MKKS: variants seen among roughly 807,000 people sequenced by gnomAD.
MKKS encodes the protein molecular chaperone MKKS.
MKKS carries 29 observed loss-of-function variants against 33.2 expected under a neutral mutation model. The ratio of observed to expected loss-of-function variants is 0.87; its 90% CI spans 0.65 to 1.19. The LOEUF (loss-of-function observed/expected upper bound fraction) is 1.19. Ranked by LOEUF, MKKS falls within the 50% of genes most tolerant of loss-of-function variation. The pLI is 0.00. For synonymous variants in MKKS, 260 were observed against 244.0 expected (o/e 1.07, Z -0.61); for missense variants, 661 against 662.3 (o/e 1.00, Z 0.02).
At chr20:10,409,695 G>A (rs894624026) in intron 3 of MKKS, among the ~76,000 whole-genome samples, 16 of 152,118 alleles carry the variant, frequency 1.1e-4, no homozygotes, top group East Asian at 1.9e-4. Flanking sequence ...AATGTCGGCC[G>A]GGTGTAGTGG....
At chr20:10,430,510 C>G (rs952111670) in intron 1 of MKKS, among the ~76,000 whole-genome samples, 1 of 152,154 alleles carries the variant, frequency 6.6e-6, no homozygotes, top group African/African-American at 2.4e-5. Context: ...TGTAGTATAG[C>G]AAGAACTGGA....
rs149166039 is a variant in MKKS at position 10,429,258 on chromosome 20, G to C, written c.-649+4850C>G. On this transcript the variant is annotated intron_variant, in intron 1 of 5. Transcript: ENST00000347364. Reference sequence around the variant, plus strand: ...CATAATCTCCCTGTAGCCTTTTGATGTGTTCTTGAGACTCCTAAGTACTCA... The same window carrying C: ...CATAATCTCCCTGTAGCCTTTTGATCTGTTCTTGAGACTCCTAAGTACTCA... Among the ~76,000 whole-genome samples, 1,512 of 152,238 alleles carry C rather than the reference G, an allele frequency of 9.9e-3. 16 individuals are homozygous for C. Among genetic ancestry groups the C allele is most frequent in the Non-Finnish European group, 0.014 (922 of 68,008 alleles).
intron 1 of MKKS, among the ~76,000 whole-genome samples, chr20:10,428,324 C>T (rs531749174): frequency 5.3e-5 from 8 of 152,282 alleles, no homozygotes; most frequent in African/African-American, 1.9e-4. Flanking sequence ...AGATCAGATA[C>T]CTAGATGAAT....
Position 10,429,099 on chromosome 20 carries a change from C to T in MKKS, c.-649+5009G>A, listed in dbSNP as rs190337983. Among the ~76,000 whole-genome samples the T allele has an allele frequency of 3.3e-5, 5 of 152,284 alleles. No homozygotes were observed. In the East Asian group the frequency reaches 9.7e-4, roughly 29 times the overall value. Reference sequence around the variant, plus strand: ...TACCATCTTCCTTCCCAGTACTACACAATCTCTTTCCTTTCAAATAATGCA... The same window carrying T: ...TACCATCTTCCTTCCCAGTACTACATAATCTCTTTCCTTTCAAATAATGCA... On this transcript the variant is annotated intron_variant, in intron 1 of 5. Transcript: ENST00000347364.
In MKKS at chr20:10,402,679, T is replaced by C. The variant is rs2064816895; in HGVS notation, c.*2568A>G. The C allele has an allele frequency of 6.6e-6, 1 of 152,066 alleles. No homozygotes were observed. Among genetic ancestry groups the C allele is most frequent in the Non-Finnish European group, 1.5e-5 (1 of 68,012 alleles). 9.4% of individuals were successfully genotyped at this position (152,066 alleles called of 1,614,324 possible). On this transcript the variant is annotated 3_prime_UTR_variant, in exon 6 of 6. Coordinates refer to ENST00000347364, the MANE Select transcript of MKKS (RefSeq NM_170784.3). ...CCCTTCTTGGAGGAACTTGAAAAAA[T>C]GCAGGATAAGGGCAAAGAGAACCAG... is the stretch of plus-strand genomic sequence containing the variant.
intron 4 of MKKS, among the ~76,000 whole-genome samples, 181 bp downstream of exon 4, chr20:10,408,447 T>C (rs529066388): frequency 2.0e-5 from 3 of 152,248 alleles, no homozygotes; most frequent in Non-Finnish European, 4.4e-5. Context: ...TGGCAACACA[T>C]GCCAAATTTA....
chr20:10,417,354 T>C (rs2064946556), intron 2 of MKKS, among the ~76,000 whole-genome samples: 1 of 152,188 alleles, frequency 6.6e-6, no homozygotes, highest in Non-Finnish European at 1.5e-5. Context: ...CTCTTGCCTG[T>C]AATCCCATCA....
intron 4 of MKKS, 88 bp from the exon 5 acceptor site, chr20:10,407,814 C>G: frequency 2.0e-6 from 2 of 981,498 alleles, no homozygotes; most frequent in Middle Eastern, 2.0e-4. Flanking sequence ...ATAGTGAATA[C>G]AGAGAGTGTG....
In MKKS at chr20:10,405,708, T is replaced by C; in HGVS notation, c.1273-21A>G. The C allele has an allele frequency of 7.7e-6, 12 of 1,563,068 alleles. No homozygotes were observed. Among genetic ancestry groups the C allele is most frequent in the Non-Finnish European group, 1.1e-5 (12 of 1,133,852 alleles). On this transcript the variant is annotated intron_variant, in intron 5 of 5. Coordinates refer to ENST00000347364, the MANE Select transcript of MKKS (RefSeq NM_170784.3). ...TGAGTCTAAAGAGTAATAAAAACAT[T>C]GAAAACACATACAAAGCAATTAATA...
In MKKS at chr20:10,413,251, G is replaced by A; in HGVS notation, c.264C>T (p.Phe88=). ...TAGCTGTGAATAAGCCACAATCACT[G>A]AAGCTTGACACATGATTCTGTATGG... The part of the protein sequence containing the change: ...TASIQNHVSS[F]SDCGLFTAIL... Residue 88 remains phenylalanine, a synonymous_variant, in exon 3 of 6, where the codon TTC becomes TTT. Transcript: ENST00000347364. 1 of 1,614,206 alleles carries A rather than the reference G, an allele frequency of 6.2e-7. No homozygotes were observed. Among genetic ancestry groups the A allele is most frequent in the Admixed American group, 1.7e-5 (1 of 60,024 alleles).
Position 10,408,714 on chromosome 20 carries a change from G to C in MKKS, c.1075C>G (p.His359Asp). 1.2e-6 allele frequency: 2 copies of C among 1,613,964 alleles called. No individual in the cohort carries two copies. Among genetic ancestry groups the C allele is most frequent in the Non-Finnish European group, 1.7e-6 (2 of 1,179,936 alleles). ...TCATTAGGAATAAGATGAAAAAAAT[G>C]TTTGGAGCCAAATTTTGCAGTGCAC... is the stretch of plus-strand genomic sequence containing the variant. ...DVCTAKFGSK[H>D]FFHLIPNEAT... Residue 359 changes from histidine (H) to aspartate (D), a missense_variant, in exon 4 of 6, where the codon CAT becomes GAT. By Grantham distance (81) the His-to-Asp change is moderately conservative (BLOSUM62 -1). Transcript: ENST00000347364.
chr20:10,410,970 A>G (rs1301073665), intron 3 of MKKS, among the ~76,000 whole-genome samples: 1 of 150,614 alleles, frequency 6.6e-6, no homozygotes, highest in Non-Finnish European at 1.5e-5. Flanking sequence ...CAGTTACAAT[A>G]TGGTTTCTAC....
intron 3 of MKKS, among the ~76,000 whole-genome samples, chr20:10,412,302 A>G (rs1445309733): frequency 6.6e-6 from 1 of 152,212 alleles, no homozygotes. Context: ...GTTAGATGAT[A>G]TAGTACATTA....
chr20:10,418,910 A>G (rs1344972176), intron 2 of MKKS, among the ~76,000 whole-genome samples: 1 of 152,104 alleles, frequency 6.6e-6, no homozygotes, highest in East Asian at 1.9e-4. Context: ...CTCTTCCTAT[A>G]AATACAAATT....
intron 2 of MKKS, among the ~76,000 whole-genome samples, chr20:10,415,569 A>G (rs1380043028): frequency 6.6e-6 from 1 of 152,204 alleles, no homozygotes; most frequent in African/African-American, 2.4e-5. Context: ...TATTGATGCC[A>G]GGAACAGCCA....
At chr20:10,424,132 A>G (rs528431145) in intron 1 of MKKS, among the ~76,000 whole-genome samples, 22 of 152,358 alleles carry the variant, frequency 1.4e-4, no homozygotes, top group African/African-American at 4.3e-4. Flanking sequence ...CATAAAAACA[A>G]TAAGTATCAC....
At position 10,402,495 on chromosome 20, in the gene MKKS, G is replaced by A. The variant is rs527532327; in HGVS notation, c.*2752C>T. ...GAGGTATTTGTAAATATATTTTAAC[G>A]AATTTGTGATATATTCAAAATAAGA... is the stretch of plus-strand genomic sequence containing the variant. On this transcript the variant is annotated 3_prime_UTR_variant, in exon 6 of 6. Coordinates refer to ENST00000347364, the MANE Select transcript of MKKS (RefSeq NM_170784.3). 2.6e-5 allele frequency: 4 copies of A among 151,958 alleles called. No homozygotes were observed. The highest frequency in any genetic ancestry group is 4.2e-4 in the South Asian group (2 of 4,816). The allele number at this position is 151,958 out of a possible 1,614,324, so 9.4% of individuals were successfully genotyped here.
At position 10,423,112 on chromosome 20, in the gene MKKS, T is replaced by C. The variant is rs530353621; in HGVS notation, c.-648-2354A>G. Among the ~76,000 whole-genome samples, 60 of 152,044 alleles carry C rather than the reference T, an allele frequency of 3.9e-4. 1 individual carries two copies. The South Asian group carries it at 0.012, about 32-fold the overall frequency. ...CATTTGTCAGCTTTTTTCTGAACTA[T>C]AAACTCAAGGAAAAAAAACCCTAGC... On this transcript the variant is annotated intron_variant, in intron 1 of 5. Coordinates refer to ENST00000347364, the MANE Select transcript of MKKS (RefSeq NM_170784.3).
Position 10,433,827 on chromosome 20 carries a change from G to A in MKKS, c.-649+281C>T, listed in dbSNP as rs368416998. 1.3e-4 allele frequency among the ~76,000 whole-genome samples: 20 copies of A among 152,268 alleles called. No homozygotes were observed. The East Asian group carries it at 2.7e-3, about 21-fold the overall frequency. ...AGAAGGCGGCAGCGCAGGTGGGAGC[G>A]TGGTGAGGCGCCACTCCTCCAGCTC... On this transcript the variant is annotated intron_variant, in intron 1 of 5. Coordinates refer to ENST00000347364, the MANE Select transcript of MKKS (RefSeq NM_170784.3).
Sources: gnomAD v4.1 joint callset for allele counts (sites outside exome capture counted in the v4.1 genomes callset) on GRCh38, gnomAD v4.1.1 for gene constraint, MANE v1.5 for transcripts, NCBI Gene and HGNC (gene_info 2026-07-23, HGNC 2026-07-21) for gene names.